Variants in HGF observed in about 807,000 individuals in gnomAD.
HGF encodes fibroblast-derived tumor cytotoxic factor.
A neutral mutation model predicts 111.6 loss-of-function variants in HGF; 39 were observed. That is an observed-to-expected ratio of 0.35 (90% CI 0.27 to 0.46). The LOEUF (loss-of-function observed/expected upper bound fraction) is 0.46. HGF is among the 20% of genes least tolerant of loss of function. HGF has a pLI of 1.00. For missense variants in HGF, 735 were observed against 910.5 expected (o/e 0.81, Z 2.48); for synonymous variants, 285 against 294.8 (o/e 0.97, Z 0.34).
At chr7:81,705,807 T>A (rs2115767748) in intron 15 of HGF, 54 bp from the exon 16 acceptor site, 1 of 1,049,048 alleles carries the variant, frequency 9.5e-7, no homozygotes, top group Non-Finnish European at 1.5e-6. Context: ...AACACAAAAT[T>A]AACATATTAA....
intron 7 of HGF, among the ~76,000 whole-genome samples, chr7:81,735,432 A>T (rs533957212): frequency 7.7e-4 from 117 of 152,210 alleles, no homozygotes; most frequent in African/African-American, 2.7e-3. Context: ...GACACAGGAC[A>T]CAAGATTTTA....
intron 6 of HGF, 88 bp from the exon 7 acceptor site, chr7:81,743,559 T>TGTAGACAACCTAAG: frequency 3.5e-6 from 3 of 868,486 alleles, no homozygotes; most frequent in Non-Finnish European, 4.0e-6. Flanking sequence ...TCCACTTAGG[T>TGTAGACAACCTAAG]TGTCTACACC....
intron 13 of HGF, 51 bp from the exon 14 acceptor site, chr7:81,707,415 C>T (rs376013029): frequency 2.8e-6 from 3 of 1,067,984 alleles, no homozygotes; most frequent in Non-Finnish European, 4.4e-6. Flanking sequence ...GAAAGAGTGA[C>T]TGCCAATTAA....
chr7:81,741,137 T>TC (rs1391193562), intron 7 of HGF, among the ~76,000 whole-genome samples: 4 of 152,226 alleles, frequency 2.6e-5, no homozygotes, highest in African/African-American at 9.6e-5. Flanking sequence ...AGAAGTATCG[T>TC]CTCTTTATAG....
intron 1 of HGF, 89 bp downstream of exon 1, chr7:81,769,795 G>T: frequency 1.1e-6 from 1 of 946,438 alleles, no homozygotes; most frequent in Non-Finnish European, 1.7e-6. Context: ...CTGGGAATAG[G>T]GTAAAAAGAG....
At chr7:81,712,951 G>C (rs1789610080) in intron 11 of HGF, among the ~76,000 whole-genome samples, 1 of 152,128 alleles carries the variant, frequency 6.6e-6, no homozygotes, top group Non-Finnish European at 1.5e-5. Flanking sequence ...CCTAGAGGAG[G>C]GTTTGTCAGT....
At chr7:81,754,545 C>T (rs190465858) in intron 4 of HGF, among the ~76,000 whole-genome samples, 238 of 151,896 alleles carry the variant, frequency 1.6e-3, no homozygotes, top group African/African-American at 5.0e-3. Context: ...GGCCAAAACA[C>T]GAATAAAATT....
At chr7:81,758,589 T>C (rs1788900338) in intron 3 of HGF, 103 bp downstream of exon 3, 1 of 740,406 alleles carries the variant, frequency 1.4e-6, no homozygotes, top group Admixed American at 2.0e-5. Flanking sequence ...ATCTCATATA[T>C]AGTAGAAAAA....
rs543971676 is a variant in HGF at position 81,716,750 on chromosome 7, G to A, written c.1405+482C>T. Among the ~76,000 whole-genome samples the A allele has an allele frequency of 7.2e-5, 11 of 152,080 alleles. No individual in the cohort carries two copies. The South Asian group carries it at 2.1e-3, about 29-fold the overall frequency. ...AAGCCATCTGGGAATCAGATAACTG[G>A]GTGGAAAACTCCAGGCTCTTCTTTA... is the stretch of plus-strand genomic sequence containing the variant. On this transcript the variant is annotated intron_variant, in intron 11 of 17. Coordinates refer to ENST00000222390, the MANE Select transcript of HGF (RefSeq NM_000601.6).
intron 14 of HGF, 95 bp from the exon 15 acceptor site, chr7:81,706,522 C>T (rs2115772903): frequency 3.0e-6 from 3 of 1,001,948 alleles, no homozygotes; most frequent in South Asian, 1.4e-5. Flanking sequence ...TATTAAGGCA[C>T]ATAACCTAAA....
chr7:81,753,267 C>T (rs1788592256), intron 4 of HGF, among the ~76,000 whole-genome samples: 1 of 151,998 alleles, frequency 6.6e-6, no homozygotes, highest in African/African-American at 2.4e-5. Context: ...TTAGATATTG[C>T]ATTTGTCTGC....
At chr7:81,735,816 C>G (rs1787807411) in intron 7 of HGF, among the ~76,000 whole-genome samples, 1 of 152,014 alleles carries the variant, frequency 6.6e-6, no homozygotes, top group African/African-American at 2.4e-5. Context: ...ACAATTGGGT[C>G]CTTGGTGAGG....
intron 7 of HGF, among the ~76,000 whole-genome samples, chr7:81,732,424 G>A (rs1414171525): frequency 6.6e-6 from 1 of 152,142 alleles, no homozygotes; most frequent in Non-Finnish European, 1.5e-5. Context: ...GGGTGAGAGA[G>A]TAAAATTTTC....
rs2116201459 is a variant in HGF at position 81,758,721 on chromosome 7, C to T, written c.338G>A (p.Gly113Asp). The T allele has an allele frequency of 6.2e-7, 1 of 1,611,588 alleles. No individual in the cohort carries two copies. The highest frequency in any genetic ancestry group is 8.5e-7 in the Non-Finnish European group (1 of 1,178,066). Reference protein sequence around the residue: ...SMSSGVKKEFGHEFDLYENKD... With the variant: ...SMSSGVKKEFDHEFDLYENKD... ...GTTTTCATAGAGGTCAAATTCATGG[C>T]CAAATTCTTTTTTCACTCCACTTGA... is the stretch of plus-strand genomic sequence containing the variant. The change falls in exon 3 of 18, where the codon GGC (glycine) becomes GAC (aspartate). Residue 113 changes from glycine to aspartate, a missense_variant. Gly to Asp is a moderately conservative substitution (Grantham distance 94). Around this residue, in one of 3 missense-constraint regions of HGF, gnomAD observed 553 missense variants for 685.6 expected, o/e 0.81. Transcript: ENST00000222390.
At chr7:81,739,364 T>C (rs1787931955) in intron 7 of HGF, among the ~76,000 whole-genome samples, 1 of 152,172 alleles carries the variant, frequency 6.6e-6, no homozygotes, top group Non-Finnish European at 1.5e-5. Flanking sequence ...AAGCTTTTTA[T>C]TCATTGAAAT....
chr7:81,745,282 A>G (rs1300651115), intron 5 of HGF, among the ~76,000 whole-genome samples, 162 bp from the exon 6 acceptor site: 1 of 152,220 alleles, frequency 6.6e-6, no homozygotes, highest in Non-Finnish European at 1.5e-5. Flanking sequence ...AAATAGTGAC[A>G]TAAACTACTC....
chr7:81,725,157 T>C (rs1347949883), intron 9 of HGF, among the ~76,000 whole-genome samples: 1 of 152,190 alleles, frequency 6.6e-6, no homozygotes, highest in Non-Finnish European at 1.5e-5. Flanking sequence ...GTGTAATTTC[T>C]CCCTTCAGAG....
At chr7:81,717,126 C>T in intron 11 of HGF, 106 bp downstream of exon 11, 1 of 1,108,918 alleles carries the variant, frequency 9.0e-7, no homozygotes, top group Non-Finnish European at 1.4e-6. Flanking sequence ...GGAGAGCTTC[C>T]TCATTTGGGA....
At chr7:81,732,375 G>C (rs1047067574) in intron 7 of HGF, among the ~76,000 whole-genome samples, 1 of 152,178 alleles carries the variant, frequency 6.6e-6, no homozygotes, top group Non-Finnish European at 1.5e-5. Flanking sequence ...CCTCTACTAT[G>C]TGAAGGTAAC....
Sources: allele counts gnomAD v4.1 joint callset (sites outside exome capture counted in the v4.1 genomes callset), GRCh38; gene constraint gnomAD v4.1.1; regional missense constraint gnomAD v4.1.1; transcripts MANE v1.5; gene names NCBI Gene and HGNC (gene_info 2026-07-23, HGNC 2026-07-21).